Variants in EIF4G3 observed in about 807,000 individuals in gnomAD.
EIF4G3 encodes eIF-4-gamma 3.
In EIF4G3, 34 loss-of-function variants were observed where a neutral mutation model predicts 186.4. That is an observed-to-expected ratio of 0.18 (90% CI 0.14 to 0.24). The LOEUF (loss-of-function observed/expected upper bound fraction) is 0.24. EIF4G3 is among the 10% of genes least tolerant of loss of function. EIF4G3 has a pLI of 1.00. For synonymous variants in EIF4G3, 673 were observed against 679.5 expected (o/e 0.99, Z 0.15); for missense variants, 1,536 against 1,948.5 (o/e 0.79, Z 3.99).
intron 4 of EIF4G3, among the ~76,000 whole-genome samples, chr1:21,040,741 C>T (rs1305150047): frequency 8.5e-5 from 13 of 152,266 alleles, no homozygotes; most frequent in Admixed American, 7.2e-4. Flanking sequence ...AGAAGGACTC[C>T]GTACTTTTAA....
intron 13 of EIF4G3, among the ~76,000 whole-genome samples, chr1:20,944,881 C>A (rs898460796): frequency 6.6e-6 from 1 of 151,594 alleles, no homozygotes; most frequent in Non-Finnish European, 1.5e-5. Flanking sequence ...GGTGTGCATT[C>A]GTGGTCCCAG....
chr1:21,060,539 G>A (rs572267996), intron 3 of EIF4G3, among the ~76,000 whole-genome samples: 8 of 152,138 alleles, frequency 5.3e-5, no homozygotes, highest in Non-Finnish European at 1.2e-4. Flanking sequence ...TGAAAAGATC[G>A]AATGTTTTCC....
intron 14 of EIF4G3, among the ~76,000 whole-genome samples, chr1:20,916,667 G>T (rs1254939798): frequency 6.6e-6 from 1 of 152,010 alleles, no homozygotes; most frequent in Non-Finnish European, 1.5e-5. Flanking sequence ...CTTTGAAAAA[G>T]AAGAATGAAG....
intron 3 of EIF4G3, among the ~76,000 whole-genome samples, chr1:21,081,492 G>A (rs2095785972): frequency 6.6e-6 from 1 of 151,884 alleles, no homozygotes; most frequent in Non-Finnish European, 1.5e-5. Context: ...ACTCAATTAT[G>A]GCTAATAAGG....
chr1:21,079,226 T>C (rs991741000), intron 3 of EIF4G3, among the ~76,000 whole-genome samples: 1 of 152,170 alleles, frequency 6.6e-6, no homozygotes, highest in Non-Finnish European at 1.5e-5. Flanking sequence ...TGGCGAGGTA[T>C]CTCCACTGAA....
In EIF4G3 at chr1:20,849,430, G is replaced by T; in HGVS notation, c.3873C>A (p.His1291Gln). The T allele has an allele frequency of 2.0e-6, 3 of 1,526,192 alleles. No homozygotes were observed. The highest frequency in any genetic ancestry group is 2.7e-6 in the Non-Finnish European group (3 of 1,130,034). 94.5% of individuals were successfully genotyped at this position (1,526,192 alleles called of 1,614,324 possible). A position where few individuals can be genotyped will look rare whatever the true frequency, so the allele number is the denominator to read the frequency against. Residue 1291 changes from histidine (H) to glutamine (Q), a missense_variant, in exon 29 of 37, where the codon CAC becomes CAA. Physicochemically the swap from His to Gln is conservative, Grantham distance 24 (BLOSUM62 0). Transcript: ENST00000602326. ...KSKSIIDEFL[H>Q]INDFKEAMQC... is the part of the protein sequence containing the mutation. ...TCTCATTTACCTTAAAATCATTAAT[G>T]TGTAGAAATTCATCAATGATAGATT... is the stretch of plus-strand genomic sequence containing the variant.
chr1:20,991,640 A>G (rs561175806), intron 7 of EIF4G3, among the ~76,000 whole-genome samples: 1 of 152,290 alleles, frequency 6.6e-6, no homozygotes, highest in African/African-American at 2.4e-5. Flanking sequence ...ATAGCCATGT[A>G]TATAGCTAGT....
chr1:20,857,950 C>T (rs1335040060), intron 24 of EIF4G3, among the ~76,000 whole-genome samples: 1 of 152,184 alleles, frequency 6.6e-6, no homozygotes, highest in African/African-American at 2.4e-5. Flanking sequence ...AGGTGGAAAA[C>T]CTTGACTCCT....
chr1:20,939,615 A>G (rs1210642402), intron 14 of EIF4G3, among the ~76,000 whole-genome samples: 1 of 152,218 alleles, frequency 6.6e-6, no homozygotes, highest in African/African-American at 2.4e-5. Flanking sequence ...ACTTATTTCA[A>G]TTCTGAGGTA....
intron 12 of EIF4G3, among the ~76,000 whole-genome samples, chr1:20,959,702 T>C (rs1057215698): frequency 4.1e-5 from 6 of 147,354 alleles, no homozygotes; most frequent in Non-Finnish European, 1.5e-5. Context: ...AATAATCCCA[T>C]CAAAAAGTGG....
At chr1:20,860,723 T>C (rs528960267) in intron 23 of EIF4G3, among the ~76,000 whole-genome samples, 2 of 152,280 alleles carry the variant, frequency 1.3e-5, no homozygotes, top group Admixed American at 6.5e-5. Context: ...AACTGGCCAA[T>C]TGTATACTAC....
chr1:20,886,467 T>C (rs182146797), intron 18 of EIF4G3, 96 bp from the exon 19 acceptor site: 64 of 1,233,492 alleles, frequency 5.2e-5, no homozygotes, highest in Non-Finnish European at 6.9e-5. Flanking sequence ...CAAGCAATGC[T>C]AGATGCAAAG....
chr1:21,075,148 A>C (rs2095547544), intron 3 of EIF4G3, among the ~76,000 whole-genome samples: 1 of 152,232 alleles, frequency 6.6e-6, no homozygotes. Context: ...AATGATAGGA[A>C]TTAGTACTTA....
intron 2 of EIF4G3, among the ~76,000 whole-genome samples, chr1:21,159,688 C>T (rs1357658096): frequency 6.6e-6 from 1 of 152,076 alleles, no homozygotes; most frequent in African/African-American, 2.4e-5. Flanking sequence ...TGCAGTGAGC[C>T]AGGTATGGTG....
chr1:21,079,692 A>AG (rs921291609), intron 3 of EIF4G3, among the ~76,000 whole-genome samples: 4 of 151,670 alleles, frequency 2.6e-5, no homozygotes, highest in Non-Finnish European at 5.9e-5. Context: ...GCAAAAGAAA[A>AG]AAAAAAAAAA....
At chr1:20,818,308 C>T (rs2061538948) in intron 33 of EIF4G3, among the ~76,000 whole-genome samples, 1 of 152,064 alleles carries the variant, frequency 6.6e-6, no homozygotes, top group African/African-American at 2.4e-5. Context: ...AGAAATGATG[C>T]TATAATTGTT....
At position 20,942,021 on chromosome 1, in the gene EIF4G3, G is replaced by T. The variant is rs550592648; in HGVS notation, c.1133C>A (p.Thr378Lys). The T allele has an allele frequency of 1.9e-6, 3 of 1,614,180 alleles. No homozygotes were observed. The South Asian group carries it at 3.3e-5, about 18-fold the overall frequency. ...PIPSLTSCTE[T>K]SDPLPTNEND... is the part of the protein sequence containing the mutation. ...TTCATTTGTTGGTAAAGGGTCTGAT[G>T]TTTCTGTGCAAGATGTGAGGCTGGG... Residue 378 changes from threonine (T) to lysine (K), a missense_variant, in exon 14 of 37, where the codon ACA becomes AAA. Physicochemically the swap from Thr to Lys is moderately conservative, Grantham distance 78 (BLOSUM62 -1). This residue lies in a region of EIF4G3 where 560 missense variants were observed against 547.8 expected (regional missense o/e 1.02). Coordinates refer to ENST00000602326, the MANE Select transcript of EIF4G3 (RefSeq NM_001391906.1).
intron 14 of EIF4G3, among the ~76,000 whole-genome samples, chr1:20,923,071 C>CTG (rs2094593077): frequency 6.6e-6 from 1 of 152,076 alleles, no homozygotes; most frequent in East Asian, 1.9e-4. Flanking sequence ...AGAACTGAAA[C>CTG]ACAGATCTAA....
chr1:20,885,292 C>T (rs759315211), intron 19 of EIF4G3, among the ~76,000 whole-genome samples: 1 of 152,204 alleles, frequency 6.6e-6, no homozygotes, highest in Non-Finnish European at 1.5e-5. Flanking sequence ...CACTTAACCA[C>T]GCTCCAGGAA....
Sources: allele counts gnomAD v4.1 joint callset (sites outside exome capture counted in the v4.1 genomes callset), GRCh38; gene constraint gnomAD v4.1.1; regional missense constraint gnomAD v4.1.1; transcripts MANE v1.5; gene names NCBI Gene and HGNC (gene_info 2026-07-23, HGNC 2026-07-21).